The following SAMMSON variants were observed in gnomAD, a reference collection of about 807,000 sequenced individuals.
SAMMSON encodes long intergenic non-protein coding RNA 1212.
chr3:70,358,081 G>A (rs1427369220), intron 8 of SAMMSON, among the ~76,000 whole-genome samples: 1 of 152,086 alleles, frequency 6.6e-6, no homozygotes, highest in African/African-American at 2.4e-5. Context: ...GTGGTTTTGT[G>A]AGCCAATTGT....
chr3:70,347,051 A>G (rs1293440961), intron 7 of SAMMSON, among the ~76,000 whole-genome samples: 2 of 152,246 alleles, frequency 1.3e-5, no homozygotes, highest in African/African-American at 4.8e-5. Context: ...CACCCAACAC[A>G]TGAATTGGGT....
At chr3:70,412,487 T>C (rs1239464727) in intron 2 of SAMMSON, among the ~76,000 whole-genome samples, 4 of 152,174 alleles carry the variant, frequency 2.6e-5, no homozygotes, top group African/African-American at 9.7e-5. Flanking sequence ...GAGTTGTCAG[T>C]TTACTAAGTG....
intron 3 of SAMMSON, chr3:70,013,911 CT>C (rs1312119844): frequency 6.6e-6 from 1 of 152,080 alleles, no homozygotes; most frequent in Non-Finnish European, 1.5e-5. Context: ...CTCTGGAAAA[CT>C]CTGTGAAAAA....
intron 4 of SAMMSON, among the ~76,000 whole-genome samples, chr3:70,154,565 G>A (rs755717814): frequency 9.2e-5 from 14 of 152,050 alleles, no homozygotes; most frequent in Non-Finnish European, 1.6e-4. Flanking sequence ...AGTGATTCCA[G>A]TTGTACAGTC....
chr3:70,060,459 C>T (rs1337832806), intron 3 of SAMMSON, among the ~76,000 whole-genome samples: 2 of 152,078 alleles, frequency 1.3e-5, no homozygotes, highest in Non-Finnish European at 2.9e-5. Flanking sequence ...AATTCATATA[C>T]AATAACTTTT....
intron 6 of SAMMSON, among the ~76,000 whole-genome samples, chr3:70,289,043 C>G (rs866922061): frequency 2.6e-5 from 4 of 152,010 alleles, no homozygotes; most frequent in Non-Finnish European, 5.9e-5. Flanking sequence ...TTAATTGGAG[C>G]ATTTAGCCCA....
chr3:70,200,953 A>G (rs1701231507), intron 4 of SAMMSON, among the ~76,000 whole-genome samples: 1 of 117,900 alleles, frequency 8.5e-6, no homozygotes, highest in Non-Finnish European at 1.7e-5. Flanking sequence ...ACAGCCCTCT[A>G]TACTTTTTTT....
intron 7 of SAMMSON, among the ~76,000 whole-genome samples, chr3:70,308,109 T>C (rs1175479063): frequency 6.6e-6 from 1 of 152,208 alleles, no homozygotes; most frequent in Non-Finnish European, 1.5e-5. Context: ...TGTAGTACAG[T>C]GGTGTGATCA....
At chr3:70,047,221 G>A (rs1458826927) in intron 3 of SAMMSON, among the ~76,000 whole-genome samples, 1 of 151,968 alleles carries the variant, frequency 6.6e-6, no homozygotes, top group Admixed American at 6.6e-5. Flanking sequence ...TATTTTTTGG[G>A]CTAACGAATG....
chr3:70,016,257 T>C (rs554972400), intron 3 of SAMMSON, among the ~76,000 whole-genome samples: 1 of 152,332 alleles, frequency 6.6e-6, no homozygotes, highest in Admixed American at 6.5e-5. Flanking sequence ...ATTGCCATTC[T>C]AACTGGTGTG....
downstream of SAMMSON, among the ~76,000 whole-genome samples, chr3:70,392,133 A>G (rs1701054024): frequency 1.3e-5 from 2 of 152,152 alleles, no homozygotes; most frequent in African/African-American, 2.4e-5. Context: ...CTTTTCGAAA[A>G]CTTAAACAGG....
At chr3:70,223,651 C>A (rs1436677829) in intron 4 of SAMMSON, among the ~76,000 whole-genome samples, 1 of 152,098 alleles carries the variant, frequency 6.6e-6, no homozygotes, top group African/African-American at 2.4e-5. Flanking sequence ...GTCACAGGTT[C>A]ATTCCCAAGA....
intron 6 of SAMMSON, among the ~76,000 whole-genome samples, chr3:70,287,357 C>T (rs1421083820): frequency 1.3e-5 from 2 of 149,340 alleles, no homozygotes; most frequent in East Asian, 3.9e-4. Flanking sequence ...TGCTGGATTA[C>T]ATTTATTGAT....
At chr3:70,043,078 A>G (rs191782011) in intron 3 of SAMMSON, among the ~76,000 whole-genome samples, 30 of 152,224 alleles carry the variant, frequency 2.0e-4, no homozygotes, top group Admixed American at 1.8e-3. Flanking sequence ...AAGAATTTCT[A>G]TTGTATTTAG....
In SAMMSON at chr3:70,278,047, C is replaced by G. The variant is rs1199802467; in HGVS notation, n.675-13132C>G. On this transcript the variant is annotated intron_variant and non_coding_transcript_variant, in intron 6 of 9. Coordinates refer to ENST00000642114, the Ensembl canonical transcript of SAMMSON. ...CGTGTACACCTATCTAACCACCACC[C>G]CATCAAGATAAAAAACACTTCAGCA... Among the ~76,000 whole-genome samples, 6 of 152,258 alleles carry G rather than the reference C, an allele frequency of 3.9e-5. No homozygotes were observed. The South Asian group carries it at 8.3e-4, about 21-fold the overall frequency.
intron 4 of SAMMSON, among the ~76,000 whole-genome samples, chr3:70,214,412 G>A (rs1419343797): frequency 6.6e-6 from 1 of 151,982 alleles, no homozygotes; most frequent in Non-Finnish European, 1.5e-5. Flanking sequence ...TTTTCAATCA[G>A]GCTTGGTAAA....
chr3:70,432,014 A>G (rs1305530498), intron 2 of SAMMSON, among the ~76,000 whole-genome samples: 1 of 152,024 alleles, frequency 6.6e-6, no homozygotes, highest in Admixed American at 6.6e-5. Flanking sequence ...ATTAATAATA[A>G]TGCTGCTATA....
At chr3:70,226,755 A>T (rs1575601595) in intron 4 of SAMMSON, among the ~76,000 whole-genome samples, 1 of 151,614 alleles carries the variant, frequency 6.6e-6, no homozygotes, top group African/African-American at 2.4e-5. Context: ...AAAAAAAAAA[A>T]ATAGTGTGCA....
intron 6 of SAMMSON, among the ~76,000 whole-genome samples, chr3:70,278,851 A>C (rs540058431): frequency 6.6e-6 from 1 of 152,070 alleles, no homozygotes; most frequent in East Asian, 1.9e-4. Flanking sequence ...CTCAAATCAA[A>C]GGGTTGTTGT....
Sources: gnomAD v4.1 joint callset for allele counts (sites outside exome capture counted in the v4.1 genomes callset) on GRCh38, gnomAD v4.1.1 for gene constraint, MANE v1.5 for transcripts, NCBI Gene and HGNC (gene_info 2026-07-23, HGNC 2026-07-21) for gene names.